Variants in SH3BP4 observed in about 807,000 individuals in gnomAD.
SH3BP4 encodes the protein SH3 domain binding protein 4.
SH3BP4 carries 33 observed loss-of-function variants against 65.5 expected under a neutral mutation model. The observed-to-expected ratio is 0.50, with a 90% CI of 0.38 to 0.67. The LOEUF (loss-of-function observed/expected upper bound fraction) is 0.67, where lower values mean the gene tolerates loss of function less well. Among genes scored for constraint, SH3BP4 ranks in the 30% least tolerant of loss-of-function variants. The pLI is 0.00. For synonymous variants in SH3BP4, 552 were observed against 545.5 expected, an observed-to-expected ratio of 1.01 and a Z score of -0.17; for missense variants, 1,134 against 1,261.4, an observed-to-expected ratio of 0.90 and a Z score of 1.53.
At chr2:235,043,837 A>C (rs1373164807) in intron 4 of SH3BP4, among the ~76,000 whole-genome samples, 1 of 152,234 alleles carries the variant, frequency 6.6e-6, no homozygotes, top group Non-Finnish European at 1.5e-5. Context: ...TGGGGCTTGA[A>C]GTGTGCTTGA....
intron 4 of SH3BP4, among the ~76,000 whole-genome samples, chr2:235,044,791 A>T (rs1695789678): frequency 6.6e-6 from 1 of 152,164 alleles, no homozygotes; most frequent in South Asian, 2.1e-4. Context: ...GACAGAAGGG[A>T]CGCAGCCCGG....
intron 2 of SH3BP4, among the ~76,000 whole-genome samples, chr2:235,001,216 C>A (rs1221784294): frequency 6.6e-6 from 1 of 152,168 alleles, no homozygotes; most frequent in Non-Finnish European, 1.5e-5. Context: ...GGCTCCCGGG[C>A]CCTTGGCGTG....
At chr2:235,011,611 G>A (rs756808593) in intron 2 of SH3BP4, among the ~76,000 whole-genome samples, 29 of 152,284 alleles carry the variant, frequency 1.9e-4, no homozygotes, top group African/African-American at 5.8e-4. Flanking sequence ...TGTCATTTCC[G>A]TAAACCTGCT....
At chr2:235,040,834 C>A (rs550704996) in intron 3 of SH3BP4, 54 bp from the exon 4 acceptor site, 2 of 1,514,252 alleles carry the variant, frequency 1.3e-6, no homozygotes, top group African/African-American at 1.4e-5. Context: ...GGAAGCTCTC[C>A]GGACACCCCG....
At chr2:235,019,703 T>C (rs1218323238) in intron 2 of SH3BP4, among the ~76,000 whole-genome samples, 2 of 151,908 alleles carry the variant, frequency 1.3e-5, no homozygotes, top group East Asian at 1.9e-4. Flanking sequence ...CTTAAAGTGC[T>C]GGCATTACAG....
intron 2 of SH3BP4, among the ~76,000 whole-genome samples, chr2:235,023,486 G>T (rs962303605): frequency 6.6e-6 from 1 of 152,142 alleles, no homozygotes; most frequent in Non-Finnish European, 1.5e-5. Flanking sequence ...GGTGGGGGTT[G>T]CAGTGAGCCG....
chr2:234,967,037 C>T lies in SH3BP4; in HGVS notation c.-207+14867C>T, dbSNP rs1559225623. The stretch of plus-strand genomic sequence containing the variant: ...TAATAGAATAGGGCTGCATGCCATC[C>T]TGTGTTTTCAGCGCTTTACAACCTT... On this transcript the variant is annotated intron_variant, in intron 1 of 5. Transcript: ENST00000392011. The surrounding 1 kb of genome is among the most constrained non-coding windows in gnomAD (Gnocchi z 4.6). 6.6e-6 allele frequency among the ~76,000 whole-genome samples: 1 copy of T among 152,146 alleles called. No homozygotes were observed. The highest frequency in any genetic ancestry group is 1.5e-5 in the Non-Finnish European group (1 of 68,036).
At chr2:234,993,547 C>T (rs541703203) in intron 1 of SH3BP4, among the ~76,000 whole-genome samples, 3 of 152,328 alleles carry the variant, frequency 2.0e-5, no homozygotes, top group East Asian at 3.9e-4. Context: ...GAAATGCACG[C>T]TCACGGTAGA....
In SH3BP4 at chr2:235,034,299, C is replaced by T. The variant is rs571397390; in HGVS notation, c.-132-572C>T. On this transcript the variant is annotated intron_variant, in intron 2 of 5. Coordinates refer to ENST00000392011, the MANE Select transcript of SH3BP4 (RefSeq NM_014521.3). The surrounding 1 kb of genome is among the most constrained non-coding windows in gnomAD (Gnocchi z 6.2). ...CGTTGCATTGAGAATACCTTATGGC[C>T]GCTCTGTGTTGTGTTTAGAATTGTT... Among the ~76,000 whole-genome samples, 12 of 152,264 alleles carry T rather than the reference C, an allele frequency of 7.9e-5. No individual in the cohort carries two copies. Among genetic ancestry groups the T allele is most frequent in the East Asian group, 5.8e-4 (3 of 5,180 alleles).
At chr2:234,983,022 G>A (rs1693435564) in intron 1 of SH3BP4, among the ~76,000 whole-genome samples, 1 of 152,240 alleles carries the variant, frequency 6.6e-6, no homozygotes, top group Admixed American at 6.5e-5. Flanking sequence ...GATTACAGGT[G>A]CTTGGGAAGC....
Position 234,978,836 on chromosome 2 carries a change from T to A in SH3BP4, c.-206-16467T>A, listed in dbSNP as rs1269048747. The A allele has an allele frequency of 1.3e-5, 2 of 152,184 alleles. No individual in the cohort carries two copies. Among genetic ancestry groups the A allele is most frequent in the Non-Finnish European group, 2.9e-5 (2 of 68,092 alleles). 9.4% of individuals were successfully genotyped at this position (152,184 alleles called of 1,614,324 possible). A position where few individuals can be genotyped will look rare whatever the true frequency, so the allele number is the denominator to read the frequency against. ...ACTGAAGGGCAAGAGGCTGGTGAGA[T>A]CCGAGAGTCATGCCGCTGCGTGGAG... is the stretch of plus-strand genomic sequence containing the variant. On this transcript the variant is annotated intron_variant, in intron 1 of 5. Transcript: ENST00000392011. The surrounding 1 kb of genome is among the most constrained non-coding windows in gnomAD (Gnocchi z 4.1).
intron 2 of SH3BP4, among the ~76,000 whole-genome samples, chr2:235,008,160 G>A (rs374394098): frequency 1.9e-4 from 29 of 152,320 alleles, no homozygotes; most frequent in Admixed American, 7.2e-4. Flanking sequence ...TCTGGTGCCC[G>A]GAGAGGTGTG....
At chr2:235,037,328 A>G (rs926500876) in intron 3 of SH3BP4, among the ~76,000 whole-genome samples, 123 of 152,262 alleles carry the variant, frequency 8.1e-4, no homozygotes, top group Non-Finnish European at 2.5e-4. Flanking sequence ...CTCATCTAGA[A>G]GGGGGAATCA....
At chr2:235,022,800 G>T (rs1694885219) in intron 2 of SH3BP4, among the ~76,000 whole-genome samples, 1 of 152,146 alleles carries the variant, frequency 6.6e-6, no homozygotes, top group South Asian at 2.1e-4. Flanking sequence ...TATGGAGTAT[G>T]ATTAGATACA....
chr2:234,957,672 G>A (rs1030068584), intron 1 of SH3BP4, among the ~76,000 whole-genome samples: 1 of 151,968 alleles, frequency 6.6e-6, no homozygotes. Context: ...GAATCAGAAT[G>A]TCTGGGTGTG....
At chr2:235,010,301 T>C (rs1694438409) in intron 2 of SH3BP4, among the ~76,000 whole-genome samples, 1 of 152,200 alleles carries the variant, frequency 6.6e-6, no homozygotes, top group Non-Finnish European at 1.5e-5. Flanking sequence ...GTCTGAGTCC[T>C]GTGGCACTGA....
At chr2:234,985,986 G>A (rs1693543878) in intron 1 of SH3BP4, among the ~76,000 whole-genome samples, 1 of 151,588 alleles carries the variant, frequency 6.6e-6, no homozygotes, top group South Asian at 2.1e-4. Context: ...CAGTGCAGGT[G>A]AACCAGCCTC....
At chr2:235,014,996 G>A (rs770335032) in intron 2 of SH3BP4, among the ~76,000 whole-genome samples, 2 of 152,196 alleles carry the variant, frequency 1.3e-5, no homozygotes, top group Non-Finnish European at 2.9e-5. Flanking sequence ...AAGCATTTCT[G>A]TGTTATCCTT....
chr2:234,990,318 A>G (rs2106268414), intron 1 of SH3BP4, among the ~76,000 whole-genome samples: 1 of 152,292 alleles, frequency 6.6e-6, no homozygotes, highest in East Asian at 1.9e-4. Context: ...CAGGCTGTAG[A>G]GGCTCTTCTG....
Sources: allele counts gnomAD v4.1 joint callset (sites outside exome capture counted in the v4.1 genomes callset), GRCh38; gene constraint gnomAD v4.1.1; non-coding constraint Gnocchi (gnomAD v3.1); transcripts MANE v1.5; gene names NCBI Gene and HGNC (gene_info 2026-07-23, HGNC 2026-07-21).